VWF: variants seen among roughly 807,000 people sequenced by gnomAD.
The protein encoded by VWF is von Willebrand factor.
VWF carries 176 observed loss-of-function variants against 308.6 expected under a neutral mutation model. The observed-to-expected ratio is 0.57, with a 90% confidence interval of 0.50 to 0.65. The LOEUF (loss-of-function observed/expected upper bound fraction) is 0.65. Ranked by LOEUF, VWF falls within the 30% of genes least tolerant of loss-of-function variation. VWF has a pLI of 0.00. For missense variants in VWF, 3,146 were observed against 3,648.2 expected (o/e 0.86, Z 3.55); for synonymous variants, 1,385 against 1,443.4 (o/e 0.96, Z 0.92).
At chr12:6,081,372 G>A (rs1251156956) in intron 6 of VWF, among the ~76,000 whole-genome samples, 13 of 151,862 alleles carry the variant, frequency 8.6e-5, no homozygotes, top group African/African-American at 1.7e-4. Flanking sequence ...ACAGAGTCTC[G>A]CTCTGTCACC....
chr12:6,040,511 C>A (rs1591878118), intron 18 of VWF, among the ~76,000 whole-genome samples: 1 of 152,332 alleles, frequency 6.6e-6, no homozygotes, highest in South Asian at 2.1e-4. Flanking sequence ...CTGCTCTCAT[C>A]TCCAGTCTTC....
intron 21 of VWF, among the ~76,000 whole-genome samples, chr12:6,030,944 G>T (rs894935594): frequency 1.3e-5 from 2 of 152,122 alleles, no homozygotes; most frequent in Non-Finnish European, 2.9e-5. Context: ...CAGGAGAATC[G>T]TTTGAACCCT....
At position 6,073,653 on chromosome 12, in the gene VWF, A is replaced by C. The variant is rs762870016; in HGVS notation, c.963T>G (p.Cys321Trp). 5 of 1,614,006 alleles carry C rather than the reference A, an allele frequency of 3.1e-6. No homozygotes were observed. Among genetic ancestry groups the C allele is most frequent in the Admixed American group, 1.7e-5 (1 of 60,002 alleles). ...TCQSLHINEM[C>W]QERCVDGCSC... is the part of the protein sequence containing the mutation. ...TGCAGCCATCCACGCATCGCTCCTG[A>C]CACATTTCATTGATGTGCAGGCTCT... The change falls in exon 8 of 52, where the codon TGT becomes TGG. Residue 321 changes from cysteine (C) to tryptophan (W), a missense_variant. Cys to Trp is a radical substitution (Grantham distance 215, BLOSUM62 -2). Coordinates refer to ENST00000261405, the MANE Select transcript of VWF (RefSeq NM_000552.5).
In VWF at chr12:6,064,323, T is replaced by G. The variant is rs773227284; in HGVS notation, c.1355A>C (p.His452Pro). The G allele has an allele frequency of 1.4e-5, 22 of 1,614,062 alleles. No homozygotes were observed. In the South Asian group the frequency reaches 2.4e-4, roughly 18 times the overall value. The change falls in exon 12 of 52, where the codon CAC becomes CCC. Residue 452 changes from histidine to proline, a missense_variant. Physicochemically the swap from His to Pro is moderately conservative, Grantham distance 77 (BLOSUM62 -2). Transcript: ENST00000261405. ...ATGCTTCAGTTTCACAAGGCTGTTG[T>G]GCAGGCCAGGCAGCCGGACGGTGAC... is the stretch of plus-strand genomic sequence containing the variant. ...RSVTVRLPGL[H>P]NSLVKLKHGA...
rs771694902 is a variant in VWF, at chr12:5,976,116, G to A, written c.7432C>T (p.Arg2478Trp). 1.1e-5 allele frequency: 17 copies of A among 1,613,622 alleles called. No individual in the cohort carries two copies. The highest frequency in any genetic ancestry group is 1.1e-5 in the Non-Finnish European group (13 of 1,180,026). ...CCAGCCCCTGCCCCACTCACCGACC[G>A]ACAGCTGTCCTCACAGGGCTTCTGG... ...CSQKPCEDSC[R>W]SGFTYVLHEG... The change falls in exon 43 of 52, where the codon CGG (arginine) becomes TGG (tryptophan). Residue 2478 changes from arginine (R) to tryptophan (W), a missense_variant. By Grantham distance (101) the Arg-to-Trp change is moderately radical (BLOSUM62 -3). Coordinates refer to ENST00000261405, the MANE Select transcript of VWF (RefSeq NM_000552.5).
At chr12:5,983,427 A>ATAGATAGATAGG (rs1943632269) in intron 40 of VWF, among the ~76,000 whole-genome samples, 173 bp from the exon 41 acceptor site, 1 of 152,098 alleles carries the variant, frequency 6.6e-6, no homozygotes. Context: ...AGATAGATAG[A>ATAGATAGATAGG]TAGATAGAAT....
At chr12:6,077,889 G>A (rs1034882929) in intron 6 of VWF, among the ~76,000 whole-genome samples, 4 of 152,146 alleles carry the variant, frequency 2.6e-5, no homozygotes, top group Admixed American at 6.5e-5. Context: ...TCAGCCCAGC[G>A]TCTTCCCCAT....
intron 20 of VWF, among the ~76,000 whole-genome samples, chr12:6,033,584 G>A (rs74591472): frequency 0.022 from 3,321 of 152,322 alleles, 327 homozygotes; most frequent in Admixed American, 0.18. Flanking sequence ...TAGAATCTCT[G>A]GGAAAGCTCT....
intron 23 of VWF, 30 bp from the exon 24 acceptor site, chr12:6,025,723 G>T (rs535850523): frequency 1.5e-6 from 2 of 1,292,476 alleles, no homozygotes; most frequent in Non-Finnish European, 2.2e-6. Flanking sequence ...TAGGCCAGCC[G>T]TCAGCTGGTC....
intron 18 of VWF, among the ~76,000 whole-genome samples, chr12:6,039,866 C>T (rs1944378579): frequency 6.6e-6 from 1 of 152,116 alleles, no homozygotes; most frequent in Non-Finnish European, 1.5e-5. Flanking sequence ...CCACACTTCT[C>T]GCCACCAAGA....
chr12:5,983,294 A>G, intron 40 of VWF, 40 bp from the exon 41 acceptor site: 1 of 1,596,270 alleles, frequency 6.3e-7, no homozygotes, highest in Non-Finnish European at 8.6e-7. Flanking sequence ...AGAGTTCAGA[A>G]AGGTTACTCT....
Position 6,021,961 on chromosome 12 carries a change from G to A in VWF, c.3613C>T (p.Arg1205Cys), listed in dbSNP as rs373787920. 9.3e-6 allele frequency: 15 copies of A among 1,614,142 alleles called. No homozygotes were observed. The highest frequency in any genetic ancestry group is 1.7e-5 in the Admixed American group (1 of 60,022). Reference sequence around the variant, plus strand: ...GTGACTTTCTTTCCTGAGGCAAAACGCCGGCCAGCCACCTCACACACTGGA... The same window carrying A: ...GTGACTTTCTTTCCTGAGGCAAAACACCGGCCAGCCACCTCACACACTGGA... ...DCPVCEVAGRRFASGKKVTLN... is the reference protein window; with the variant it reads ...DCPVCEVAGRCFASGKKVTLN... The change falls in exon 27 of 52, where the codon CGT becomes TGT. Residue 1205 changes from arginine (R) to cysteine (C), a missense_variant. Transcript: ENST00000261405.
intron 6 of VWF, among the ~76,000 whole-genome samples, chr12:6,077,698 C>T (rs1346442592): frequency 1.3e-5 from 2 of 152,346 alleles, no homozygotes; most frequent in East Asian, 3.9e-4. Context: ...GCCATGAATG[C>T]AGGCCACTGT....
rs74056753 is a variant in VWF at position 5,977,281 on chromosome 12, G to A, written c.7288-1021C>T. ...AGACCACAAAATGACAGATGCACAC[G>A]GCTGTTTGTTACTGCAATTTGTAAT... On this transcript the variant is annotated intron_variant, in intron 42 of 51. Transcript: ENST00000261405. Among the ~76,000 whole-genome samples, 946 of 152,270 alleles carry A rather than the reference G, an allele frequency of 6.2e-3. 13 individuals are homozygous for A. The highest frequency in any genetic ancestry group is 0.021 in the African/African-American group (868 of 41,548).
rs2238110 is a variant in VWF, at chr12:5,971,411, G to C, written c.7548+188C>G. On this transcript the variant is annotated intron_variant, in intron 44 of 51. Transcript: ENST00000261405. ...CTCCCAAAATCTACAAAATGGGAAGGCTGAGGCCGTCTTAACTGGTTCCTA... is the reference window on the plus strand; with the variant it reads ...CTCCCAAAATCTACAAAATGGGAAGCCTGAGGCCGTCTTAACTGGTTCCTA... Among the ~76,000 whole-genome samples, 101,434 of 152,142 alleles carry C rather than the reference G, an allele frequency of 0.67. 34,579 individuals are homozygous for C. Among genetic ancestry groups the C allele is most frequent in the Middle Eastern group, 0.78 (229 of 294 alleles).
rs143815567 is a variant in VWF at position 6,013,672 on chromosome 12, G to A, written c.5456-27C>T. ...TAGAGTTAGCAAAGAGACAAGAAAG[G>A]ATCTGTGGGCAAGAAGGCTCAAAAT... On this transcript the variant is annotated intron_variant, in intron 31 of 51. Coordinates refer to ENST00000261405, the MANE Select transcript of VWF (RefSeq NM_000552.5). 970 of 1,612,036 alleles carry A rather than the reference G, an allele frequency of 6.0e-4. 7 individuals carry two copies. In the African/African-American group the frequency reaches 9.2e-3, roughly 15 times the overall value.
At chr12:6,092,345 T>G (rs886243587) in intron 6 of VWF, among the ~76,000 whole-genome samples, 15 of 144,978 alleles carry the variant, frequency 1.0e-4, no homozygotes, top group African/African-American at 3.3e-4. Context: ...TTTTTGCGGG[T>G]TTTTTTTTTT....
rs144128523 is a variant in VWF at position 6,123,176 on chromosome 12, G to A, written c.21C>T (p.Ala7=). 2.3e-4 allele frequency: 379 copies of A among 1,614,058 alleles called. 1 individual carries two copies. The highest frequency in any genetic ancestry group is 5.3e-4 in the South Asian group (48 of 91,090). Reference sequence around the variant, plus strand: ...TGAGGGCCAGAGCAAGCAGCACCCCGGCAAATCTGGCAGGAATCATCTGCA... The same window carrying A: ...TGAGGGCCAGAGCAAGCAGCACCCCAGCAAATCTGGCAGGAATCATCTGCA... MIPARF[A]GVLLALALIL... Residue 7 remains alanine, a synonymous_variant, in exon 2 of 52, where the codon GCC becomes GCT. Transcript: ENST00000261405.
rs542975251 is a variant in VWF at position 6,031,547 on chromosome 12, C to A, written c.2717G>T (p.Arg906Leu). ...DYCGSNPGTF[R>L]ILVGNKGCSH... The stretch of plus-strand genomic sequence containing the variant: ...GCATCCCTTATTCCCCACTAGGATC[C>A]GAAAGGTCCCAGGGTTACTGCCGCA... The change falls in exon 21 of 52, where the codon CGG (arginine) becomes CTG (leucine). Residue 906 changes from arginine (R) to leucine (L), a missense_variant. Physicochemically the swap from Arg to Leu is moderately radical, Grantham distance 102 (BLOSUM62 -2). Coordinates refer to ENST00000261405, the MANE Select transcript of VWF (RefSeq NM_000552.5). 4.3e-6 allele frequency: 7 copies of A among 1,614,022 alleles called. No individual in the cohort carries two copies. In the African/African-American group the frequency reaches 8.0e-5, roughly 18 times the overall value.
Sources: gnomAD v4.1 joint callset for allele counts (sites outside exome capture counted in the v4.1 genomes callset) on GRCh38, gnomAD v4.1.1 for gene constraint, MANE v1.5 for transcripts, NCBI Gene and HGNC (gene_info 2026-07-23, HGNC 2026-07-21) for gene names.